The following FNBP1L variants were observed in gnomAD, a reference collection of about 807,000 sequenced individuals.
FNBP1L encodes the protein formin-binding protein 1-like.
In FNBP1L, 36 loss-of-function variants were observed where a neutral mutation model predicts 91.2. That is an observed-to-expected ratio of 0.39 (90% CI 0.30 to 0.52). The LOEUF (loss-of-function observed/expected upper bound fraction) is 0.52, where lower values mean the gene tolerates loss of function less well. Among genes scored for constraint, FNBP1L ranks in the 20% least tolerant of loss-of-function variants. The probability of loss-of-function intolerance (pLI) is 0.66; values close to 1 mark genes in which losing one functional copy is unlikely to be tolerated. For missense variants in FNBP1L, 571 were observed against 732.1 expected, an observed-to-expected ratio of 0.78 and a Z score of 2.54; for synonymous variants, 242 against 237.0, an observed-to-expected ratio of 1.02 and a Z score of -0.19.
intron 11 of FNBP1L, among the ~76,000 whole-genome samples, chr1:93,541,275 C>T (rs2101768335): frequency 6.6e-6 from 1 of 152,188 alleles, no homozygotes; most frequent in Non-Finnish European, 1.5e-5. Context: ...TCTTAAATGT[C>T]ATTGAATGGA....
At chr1:93,487,803 C>G (rs1010928341) in intron 1 of FNBP1L, among the ~76,000 whole-genome samples, 2 of 152,174 alleles carry the variant, frequency 1.3e-5, no homozygotes, top group African/African-American at 4.8e-5. Context: ...TTCATCAATT[C>G]CTTGACCTCT....
At chr1:93,452,112 C>G (rs2101679838) in intron 1 of FNBP1L, among the ~76,000 whole-genome samples, 1 of 152,300 alleles carries the variant, frequency 6.6e-6, no homozygotes, top group South Asian at 2.1e-4. Context: ...CTTTATATAG[C>G]ACTTAAATTT....
At chr1:93,477,056 G>A (rs374242600) in intron 1 of FNBP1L, among the ~76,000 whole-genome samples, 1 of 152,118 alleles carries the variant, frequency 6.6e-6, no homozygotes. Flanking sequence ...ATCAGTGCCC[G>A]TAATATTTGT....
rs1222604366 is a variant in FNBP1L, at chr1:93,530,847, T to C, written c.603T>C (p.His201=). ...AQLQNFNGEQ[H]KHFYVVIPQI... ...TACAAAACTTTAATGGAGAACAACA[T>C]AAACATTTTTATGTAGTGATTCCTC... is the stretch of plus-strand genomic sequence containing the variant. Residue 201 remains histidine (H), a synonymous_variant, in exon 7 of 17, where the codon CAT becomes CAC. Coordinates refer to ENST00000271234, the MANE Select transcript of FNBP1L (RefSeq NM_001164473.3). 6.4e-7 allele frequency: 1 copy of C among 1,551,880 alleles called. No homozygotes were observed. The highest frequency in any genetic ancestry group is 1.4e-5 in the African/African-American group (1 of 73,522).
intron 1 of FNBP1L, among the ~76,000 whole-genome samples, chr1:93,460,616 C>T (rs966175288): frequency 7.2e-5 from 11 of 152,286 alleles, no homozygotes; most frequent in South Asian, 2.1e-4. Context: ...AAAGGAAATC[C>T]GGTCATTTAC....
chr1:93,540,294 T>C (rs1671994159), intron 10 of FNBP1L, among the ~76,000 whole-genome samples: 1 of 152,176 alleles, frequency 6.6e-6, no homozygotes, highest in African/African-American at 2.4e-5. Flanking sequence ...AGAATACATT[T>C]TAATCAATTT....
chr1:93,452,814 A>G (rs1378433400), intron 1 of FNBP1L, among the ~76,000 whole-genome samples: 1 of 152,246 alleles, frequency 6.6e-6, no homozygotes, highest in Admixed American at 6.5e-5. Context: ...CCAAAAGTAA[A>G]TGAAAGGCCG....
intron 1 of FNBP1L, among the ~76,000 whole-genome samples, chr1:93,486,113 A>C (rs955986586): frequency 6.6e-6 from 1 of 152,232 alleles, no homozygotes; most frequent in Non-Finnish European, 1.5e-5. Flanking sequence ...ACTGTGTTAG[A>C]TGGCAGATGC....
chr1:93,513,177 G>T (rs923951885), intron 2 of FNBP1L, among the ~76,000 whole-genome samples: 45 of 152,088 alleles, frequency 3.0e-4, no homozygotes, highest in African/African-American at 1.0e-3. Flanking sequence ...AGAAGAAATG[G>T]ATAAATTCCT....
intron 1 of FNBP1L, among the ~76,000 whole-genome samples, chr1:93,497,126 A>G (rs952129270): frequency 6.6e-6 from 1 of 151,020 alleles, no homozygotes; most frequent in Non-Finnish European, 1.5e-5. Flanking sequence ...CGCCTGGCTA[A>G]TTTTTTTTTG....
rs1045200612 is a variant in FNBP1L at position 93,475,189 on chromosome 1, T to C, written c.25-24279T>C. Among the ~76,000 whole-genome samples the C allele has an allele frequency of 3.3e-5, 5 of 152,108 alleles. 1 individual carries two copies. Among genetic ancestry groups the C allele is most frequent in the Admixed American group, 2.6e-4 (4 of 15,270 alleles). On this transcript the variant is annotated intron_variant, in intron 1 of 16. Coordinates refer to ENST00000271234, the MANE Select transcript of FNBP1L (RefSeq NM_001164473.3). ...AGTTTGCAATGAAAGAAGTAAAATA[T>C]ACTCCTAACTTTTAGAAACTAAAGA...
At chr1:93,492,800 A>G (rs1047313127) in intron 1 of FNBP1L, among the ~76,000 whole-genome samples, 2 of 152,152 alleles carry the variant, frequency 1.3e-5, no homozygotes, top group Non-Finnish European at 2.9e-5. Context: ...AACCTAAAAA[A>G]TAAAATATAA....
intron 1 of FNBP1L, among the ~76,000 whole-genome samples, chr1:93,454,478 G>A (rs536171495): frequency 2.1e-4 from 32 of 152,246 alleles, no homozygotes; most frequent in African/African-American, 7.2e-4. Context: ...GTGGCAGGAG[G>A]GGAATACCTC....
chr1:93,454,985 G>A (rs184122000), intron 1 of FNBP1L, among the ~76,000 whole-genome samples: 1 of 152,220 alleles, frequency 6.6e-6, no homozygotes, highest in African/African-American at 2.4e-5. Context: ...CTGGAGTGCA[G>A]TGGTGTGATC....
At chr1:93,498,429 A>C (rs970421785) in intron 1 of FNBP1L, among the ~76,000 whole-genome samples, 4 of 152,232 alleles carry the variant, frequency 2.6e-5, no homozygotes, top group Non-Finnish European at 5.9e-5. Flanking sequence ...CCAGATGATA[A>C]TCAGAAAGTT....
At chr1:93,461,653 C>T (rs1286410410) in intron 1 of FNBP1L, among the ~76,000 whole-genome samples, 2 of 152,156 alleles carry the variant, frequency 1.3e-5, no homozygotes, top group African/African-American at 4.8e-5. Flanking sequence ...TATTCTCACT[C>T]TCCAGAGCTG....
intron 3 of FNBP1L, 40 bp downstream of exon 3, chr1:93,522,175 T>G: frequency 1.0e-6 from 1 of 989,492 alleles, no homozygotes; most frequent in Non-Finnish European, 1.4e-6. Context: ...ATTAAAAAAT[T>G]TAAAAATACT....
chr1:93,544,444 T>A (rs1462410266), intron 12 of FNBP1L, among the ~76,000 whole-genome samples: 1 of 152,150 alleles, frequency 6.6e-6, no homozygotes, highest in Non-Finnish European at 1.5e-5. Context: ...TTCATTAATT[T>A]GCAAAAAATT....
chr1:93,498,140 T>C lies in FNBP1L; in HGVS notation c.25-1328T>C, dbSNP rs577946025. Among the ~76,000 whole-genome samples the C allele has an allele frequency of 9.2e-5, 14 of 152,306 alleles. No homozygotes were observed. The South Asian group carries it at 2.9e-3, about 32-fold the overall frequency. ...ACTGATGGGGTTTGGAATTTAAAAT[T>C]TGGAGACTTAATCTAGAGGATAAAG... On this transcript the variant is annotated intron_variant, in intron 1 of 16. Coordinates refer to ENST00000271234, the MANE Select transcript of FNBP1L (RefSeq NM_001164473.3).
Sources: gnomAD v4.1 joint callset for allele counts (sites outside exome capture counted in the v4.1 genomes callset) on GRCh38, gnomAD v4.1.1 for gene constraint, MANE v1.5 for transcripts, NCBI Gene and HGNC (gene_info 2026-07-23, HGNC 2026-07-21) for gene names.